The following ZZZ3 variants were observed in gnomAD, a reference collection of about 807,000 sequenced individuals.
ZZZ3 encodes zinc finger ZZ-type containing 3, also known as ZZ-type zinc finger-containing protein 3.
ZZZ3 carries 22 observed loss-of-function variants against 95.2 expected under a neutral mutation model. The ratio of observed to expected loss-of-function variants is 0.23; its 90% CI spans 0.17 to 0.33. The LOEUF (loss-of-function observed/expected upper bound fraction) is 0.33, where lower values mean the gene tolerates loss of function less well. Among genes scored for constraint, ZZZ3 ranks in the 10% least tolerant of loss-of-function variants. ZZZ3 has a pLI of 1.00. For missense variants in ZZZ3, 885 were observed against 1,066.5 expected (o/e 0.83, Z 2.37); for synonymous variants, 335 against 358.9 (o/e 0.93, Z 0.75).
Position 77,639,447 on chromosome 1 carries a change from A to G in ZZZ3, c.-52+2T>C, listed in dbSNP as rs1281743713. 6.6e-7 allele frequency: 1 copy of G among 1,520,414 alleles called. No homozygotes were observed. Among genetic ancestry groups the G allele is most frequent in the South Asian group, 1.3e-5 (1 of 77,162 alleles). 94.2% of individuals were successfully genotyped at this position (1,520,414 alleles called of 1,614,324 possible). On this transcript the variant is annotated splice_donor_variant, in intron 4 of 14. Transcript: ENST00000370801. LOFTEE classifies it low-confidence loss of function (5UTR_SPLICE). Reference sequence around the variant, plus strand: ...TCACTACTGCAAAACTAAATAACTTACCTGTACAACCAAAGATCTATCATT... The same window carrying G: ...TCACTACTGCAAAACTAAATAACTTGCCTGTACAACCAAAGATCTATCATT...
intron 1 of ZZZ3, among the ~76,000 whole-genome samples, chr1:77,663,809 C>T (rs978372328): frequency 1.3e-5 from 2 of 151,266 alleles, no homozygotes; most frequent in South Asian, 2.1e-4. Flanking sequence ...AGTGCAATGG[C>T]GCGATCTTGG....
chr1:77,606,174 C>A (rs1252173735), intron 5 of ZZZ3, among the ~76,000 whole-genome samples: 1 of 152,076 alleles, frequency 6.6e-6, no homozygotes, highest in African/African-American at 2.4e-5. Context: ...AGGCCTTGGG[C>A]CTTCAGTGAA....
In ZZZ3 at chr1:77,633,029, G is replaced by A; in HGVS notation, c.326C>T (p.Thr109Ile). 1 of 1,613,878 alleles carries A rather than the reference G, an allele frequency of 6.2e-7. No individual in the cohort carries two copies. The highest frequency in any genetic ancestry group is 8.5e-7 in the Non-Finnish European group (1 of 1,180,008). ...QAIENCERRQ[T>I]EPVSPVLKRI... ...TTTTAAAACTGGTGAAACAGGTTCT[G>A]TTTGCCTTCTCTCACAATTTTCTAT... Residue 109 changes from threonine (T) to isoleucine (I), a missense_variant, in exon 5 of 15, where the codon ACA (threonine) becomes ATA (isoleucine). Physicochemically the swap from Thr to Ile is moderately conservative, Grantham distance 89 (BLOSUM62 -1). Coordinates refer to ENST00000370801, the MANE Select transcript of ZZZ3 (RefSeq NM_015534.6).
chr1:77,587,002 T>C (rs1321354832), intron 5 of ZZZ3, among the ~76,000 whole-genome samples: 1 of 152,172 alleles, frequency 6.6e-6, no homozygotes, highest in Non-Finnish European at 1.5e-5. Context: ...AATTCAACAA[T>C]TATCTACTTA....
At chr1:77,676,969 A>C (rs1242110300) in intron 1 of ZZZ3, 8 of 152,218 alleles carry the variant, frequency 5.3e-5, no homozygotes, top group African/African-American at 1.9e-4. Flanking sequence ...AAACTAAACA[A>C]ACAGAATTAA....
intron 5 of ZZZ3, among the ~76,000 whole-genome samples, chr1:77,603,338 C>A (rs1376859074): frequency 4.6e-5 from 7 of 152,194 alleles, no homozygotes; most frequent in Non-Finnish European, 8.8e-5. Context: ...CCTTGGACTC[C>A]CAAGTGCTAC....
At chr1:77,616,776 A>G (rs1276806044) in intron 5 of ZZZ3, among the ~76,000 whole-genome samples, 2 of 152,140 alleles carry the variant, frequency 1.3e-5, no homozygotes, top group African/African-American at 4.8e-5. Flanking sequence ...CTGAAGCAGG[A>G]GAATCGCTGG....
intron 12 of ZZZ3, among the ~76,000 whole-genome samples, chr1:77,575,208 G>A (rs764911770): frequency 6.6e-6 from 1 of 152,078 alleles, no homozygotes; most frequent in Non-Finnish European, 1.5e-5. Flanking sequence ...AGAAAAAAAA[G>A]GGAGAATTGA....
Position 77,632,107 on chromosome 1 carries a change from A to G in ZZZ3, c.1248T>C (p.Asn416=). ...GACTTACATTATCACTAACAGTTGC[A>G]TTTGTTTCATTAGGACTAAGATTAT... The part of the protein sequence containing the change: ...EENNLSPNET[N]ATVSDNVSQS... The change falls in exon 5 of 15, where the codon AAT becomes AAC. Residue 416 remains asparagine (N), a synonymous_variant. Transcript: ENST00000370801. 1 of 1,614,068 alleles carries G rather than the reference A, an allele frequency of 6.2e-7. No homozygotes were observed. The highest frequency in any genetic ancestry group is 8.5e-7 in the Non-Finnish European group (1 of 1,179,984).
At position 77,673,190 on chromosome 1, in the gene ZZZ3, T is replaced by C. The variant is rs188481284; in HGVS notation, c.-403+9395A>G. 3.3e-4 allele frequency among the ~76,000 whole-genome samples: 50 copies of C among 152,276 alleles called. 3 individuals carry two copies. Among genetic ancestry groups the C allele is most frequent in the African/African-American group, 1.2e-3 (50 of 41,558 alleles). On this transcript the variant is annotated intron_variant, in intron 1 of 14. Transcript: ENST00000370801. ...GCATATCATAACCATAGGACTTATA[T>C]GAAAGAAAAATTATGTGCAGGAATA...
At chr1:77,630,393 T>G (rs574495102) in intron 5 of ZZZ3, among the ~76,000 whole-genome samples, 2 of 152,210 alleles carry the variant, frequency 1.3e-5, no homozygotes, top group East Asian at 3.9e-4. Flanking sequence ...GGAGGATTGC[T>G]TGAGCCCAGG....
intron 1 of ZZZ3, among the ~76,000 whole-genome samples, chr1:77,654,162 T>C (rs1173701848): frequency 2.4e-5 from 3 of 124,080 alleles, no homozygotes; most frequent in African/African-American, 6.4e-5. Flanking sequence ...CACTCCAGCC[T>C]GGGCAACAGC....
rs771949844 is a variant in ZZZ3, at chr1:77,568,337, A to G, written c.2461T>C (p.Phe821Leu). The change falls in exon 13 of 15, where the codon TTT becomes CTT. Residue 821 changes from phenylalanine to leucine, a missense_variant. Coordinates refer to ENST00000370801, the MANE Select transcript of ZZZ3 (RefSeq NM_015534.6). Reference sequence around the variant, plus strand: ...TAAAATTAAATAGAACTTACCTTAAAGCCCACATGTTGCACAAATCCACTT... The same window carrying G: ...TAAAATTAAATAGAACTTACCTTAAGGCCCACATGTTGCACAAATCCACTT... ...AESGFVQHVG[F>L]KCDNCGIEPI... The G allele has an allele frequency of 2.5e-6, 4 of 1,578,474 alleles. No individual in the cohort carries two copies. The highest frequency in any genetic ancestry group is 3.4e-6 in the Non-Finnish European group (4 of 1,169,280).
At chr1:77,607,933 A>T (rs947542913) in intron 5 of ZZZ3, among the ~76,000 whole-genome samples, 14 of 151,862 alleles carry the variant, frequency 9.2e-5, no homozygotes, top group Non-Finnish European at 1.0e-4. Context: ...AAAAAAAAAA[A>T]AAAGGAAGGA....
chr1:77,658,521 T>TTA (rs1235921717), intron 1 of ZZZ3, among the ~76,000 whole-genome samples: 1 of 132,658 alleles, frequency 7.5e-6, no homozygotes, highest in African/African-American at 2.5e-5. Context: ...CTGGCTTTTT[T>TTA]TTTTTTTCTT....
At chr1:77,611,173 C>T (rs1419320491) in intron 5 of ZZZ3, among the ~76,000 whole-genome samples, 1 of 132,882 alleles carries the variant, frequency 7.5e-6, no homozygotes, top group African/African-American at 2.7e-5. Context: ...TTTCTATACA[C>T]TAACAATGAA....
intron 3 of ZZZ3, among the ~76,000 whole-genome samples, chr1:77,639,920 G>T (rs576893107): frequency 9.3e-4 from 138 of 149,032 alleles, no homozygotes; most frequent in African/African-American, 3.3e-3. Flanking sequence ...TTTTTTTGCG[G>T]TGATAAAGGT....
chr1:77,644,731 G>A (rs1215062431), intron 1 of ZZZ3, among the ~76,000 whole-genome samples: 1 of 152,214 alleles, frequency 6.6e-6, no homozygotes, highest in Non-Finnish European at 1.5e-5. Flanking sequence ...CATCTGTGAA[G>A]TACTTCAGGT....
intron 12 of ZZZ3, among the ~76,000 whole-genome samples, chr1:77,572,873 C>G (rs988661328): frequency 2.7e-5 from 4 of 147,692 alleles, no homozygotes; most frequent in African/African-American, 1.0e-4. Flanking sequence ...CTTGAACTCC[C>G]AGGCTCAAGC....
Sources: gnomAD v4.1 joint callset for allele counts (sites outside exome capture counted in the v4.1 genomes callset) on GRCh38, gnomAD v4.1.1 for gene constraint, MANE v1.5 for transcripts, NCBI Gene and HGNC (gene_info 2026-07-23, HGNC 2026-07-21) for gene names.